The following WDPCP variants were observed in gnomAD, a reference collection of about 807,000 sequenced individuals.
The protein encoded by WDPCP is WD repeat-containing and planar cell polarity effector protein fritz homolog.
A neutral mutation model predicts 93.1 loss-of-function variants in WDPCP; 71 were observed. That is an observed-to-expected ratio of 0.76 (90% CI 0.63 to 0.93). The LOEUF is 0.93. Among genes scored for constraint, WDPCP ranks in the 40% least tolerant of loss-of-function variants. The probability of loss-of-function intolerance (pLI) is 0.00; values close to 1 mark genes in which losing one functional copy is unlikely to be tolerated. For missense variants in WDPCP, 844 were observed against 887.4 expected, an observed-to-expected ratio of 0.95 and a Z score of 0.62; for synonymous variants, 315 against 315.0, an observed-to-expected ratio of 1.00 and a Z score of 0.00.
At chr2:63,348,124 AT>A (rs1689325243) in intron 12 of WDPCP, among the ~76,000 whole-genome samples, 2 of 152,140 alleles carry the variant, frequency 1.3e-5, no homozygotes, top group Non-Finnish European at 2.9e-5. Context: ...TAGTCACTTT[AT>A]TATTTATTAT....
intron 12 of WDPCP, among the ~76,000 whole-genome samples, chr2:63,325,591 A>C (rs1324927729): frequency 6.6e-6 from 1 of 152,168 alleles, no homozygotes; most frequent in Non-Finnish European, 1.5e-5. Context: ...CCGTCCGAGA[A>C]ATCCTGGGAC....
intron 12 of WDPCP, among the ~76,000 whole-genome samples, chr2:63,338,565 AAAAAATATATAT>A (rs1339436494): frequency 0.017 from 682 of 40,438 alleles, 57 homozygotes; most frequent in Non-Finnish European, 0.023. Context: ...AAAAAAAAAA[AAAAAATATATAT>A]ATATATATAT....
chr2:63,379,045 A>T (rs1195313351), intron 11 of WDPCP, among the ~76,000 whole-genome samples: 1 of 152,126 alleles, frequency 6.6e-6, no homozygotes, highest in African/African-American at 2.4e-5. Context: ...CTAAACAGCA[A>T]AAGTCTTGGT....
chr2:63,673,430 C>G (rs879532605), intron 2 of WDPCP, among the ~76,000 whole-genome samples: 2 of 152,132 alleles, frequency 1.3e-5, no homozygotes, highest in Non-Finnish European at 2.9e-5. Flanking sequence ...GTCTCAAATA[C>G]TGCAGTTCTG....
At chr2:63,394,606 T>C (rs1351315822) in intron 10 of WDPCP, among the ~76,000 whole-genome samples, 2 of 152,104 alleles carry the variant, frequency 1.3e-5, no homozygotes, top group East Asian at 1.9e-4. Context: ...GTCACAGCAT[T>C]ACTCACAATA....
intron 2 of WDPCP, among the ~76,000 whole-genome samples, chr2:63,681,318 G>A (rs980959449): frequency 3.9e-5 from 6 of 152,136 alleles, no homozygotes; most frequent in Non-Finnish European, 7.3e-5. Context: ...CCACTGCTCC[G>A]AAGGGTGAGT....
intron 1 of WDPCP, among the ~76,000 whole-genome samples, chr2:63,551,913 T>A (rs1318402801): frequency 2.0e-5 from 3 of 150,128 alleles, no homozygotes; most frequent in Non-Finnish European, 4.4e-5. Flanking sequence ...AATCTTCTTA[T>A]CCTAGTATAA....
At chr2:63,544,042 C>CAGA (rs1286750033) in intron 1 of WDPCP, among the ~76,000 whole-genome samples, 4 of 152,050 alleles carry the variant, frequency 2.6e-5, no homozygotes, top group African/African-American at 9.7e-5. Flanking sequence ...CAAGATAGGT[C>CAGA]CCCATTTAAA....
intron 3 of WDPCP, among the ~76,000 whole-genome samples, chr2:63,615,298 T>C (rs1215820162): frequency 1.3e-5 from 2 of 152,248 alleles, no homozygotes; most frequent in Admixed American, 1.3e-4. Flanking sequence ...TTTTACGACA[T>C]ACTCATGGGG....
intron 10 of WDPCP, among the ~76,000 whole-genome samples, chr2:63,393,978 A>G (rs1693499189): frequency 6.6e-6 from 1 of 152,216 alleles, no homozygotes; most frequent in African/African-American, 2.4e-5. Context: ...CCTGCAAGGT[A>G]ACCTAGGAAA....
At chr2:63,693,916 T>C (rs1668926654) in intron 2 of WDPCP, among the ~76,000 whole-genome samples, 1 of 152,188 alleles carries the variant, frequency 6.6e-6, no homozygotes, top group Admixed American at 6.5e-5. Flanking sequence ...TGGAGTGTTC[T>C]GAAAAATCCA....
chr2:63,525,450 G>A (rs530172336), intron 1 of WDPCP, among the ~76,000 whole-genome samples: 3 of 152,206 alleles, frequency 2.0e-5, no homozygotes, highest in Middle Eastern at 3.4e-3. Flanking sequence ...TTCTCTCATT[G>A]CTTCTTTTGG....
intron 2 of WDPCP, among the ~76,000 whole-genome samples, chr2:63,690,185 T>TTTAATTAACCTGTAA (rs1668870196): frequency 6.6e-6 from 1 of 152,244 alleles, no homozygotes; most frequent in African/African-American, 2.4e-5. Context: ...TCTAACAGGT[T>TTTAATTAACCTGTAA]ATTTTAATTA....
At chr2:63,341,183 C>T (rs192958551) in intron 12 of WDPCP, among the ~76,000 whole-genome samples, 1 of 152,316 alleles carries the variant, frequency 6.6e-6, no homozygotes, top group Admixed American at 6.5e-5. Flanking sequence ...GACTGGAGTG[C>T]AGTGGCGTGA....
intron 12 of WDPCP, among the ~76,000 whole-genome samples, chr2:63,336,272 C>T (rs1485550590): frequency 6.6e-6 from 1 of 152,142 alleles, no homozygotes; most frequent in Non-Finnish European, 1.5e-5. Context: ...TATGTGGACT[C>T]TCTGGAATTT....
intron 10 of WDPCP, among the ~76,000 whole-genome samples, chr2:63,388,369 T>A (rs1692924910): frequency 6.6e-6 from 1 of 152,094 alleles, no homozygotes; most frequent in Admixed American, 6.6e-5. Context: ...AAAAAGGGCA[T>A]CTACACCAAA....
In WDPCP at chr2:63,120,737, T is replaced by C. The variant is rs1394115932; in HGVS notation, c.*1269A>G. ...TTTTAGTAGAGACGGGGTTTCACCA[T>C]GTTGTCTAGGATGGTCTCCATCTCC... On this transcript the variant is annotated 3_prime_UTR_variant, in exon 18 of 18. Transcript: ENST00000272321. Among the ~76,000 whole-genome samples, 3 of 151,638 alleles carry C rather than the reference T, an allele frequency of 2.0e-5. No individual in the cohort carries two copies. Among genetic ancestry groups the C allele is most frequent in the Admixed American group, 6.6e-5 (1 of 15,192 alleles).
intron 1 of WDPCP, among the ~76,000 whole-genome samples, chr2:63,573,880 G>A (rs1171332991): frequency 6.6e-6 from 1 of 151,938 alleles, no homozygotes; most frequent in East Asian, 1.9e-4. Flanking sequence ...CCGCTTCAGG[G>A]GGCAGCCGTC....
intron 17 of WDPCP, among the ~76,000 whole-genome samples, chr2:63,146,787 T>C (rs1256806403): frequency 6.6e-6 from 1 of 152,096 alleles, no homozygotes; most frequent in South Asian, 2.1e-4. Flanking sequence ...TTCAATGCAA[T>C]AAAAGTTGAA....
Sources: allele counts gnomAD v4.1 joint callset (sites outside exome capture counted in the v4.1 genomes callset), GRCh38; gene constraint gnomAD v4.1.1; transcripts MANE v1.5; gene names NCBI Gene and HGNC (gene_info 2026-07-23, HGNC 2026-07-21).